Variants in SEZ6L observed in about 807,000 individuals in gnomAD.
SEZ6L encodes seizure related 6 homolog like.
In SEZ6L, 37 loss-of-function variants were observed where a neutral mutation model predicts 106.2. The observed-to-expected ratio is 0.35, with a 90% CI of 0.27 to 0.46. The LOEUF is 0.46. Among genes scored for constraint, SEZ6L ranks in the 20% least tolerant of loss-of-function variants. The pLI is 1.00. For synonymous variants in SEZ6L, 541 were observed against 570.4 expected, an observed-to-expected ratio of 0.95 and a Z score of 0.73; for missense variants, 1,172 against 1,332.8, an observed-to-expected ratio of 0.88 and a Z score of 1.88.
intron 1 of SEZ6L, among the ~76,000 whole-genome samples, chr22:26,197,812 C>T (rs1050897738): frequency 8.5e-5 from 13 of 152,152 alleles, no homozygotes; most frequent in East Asian, 3.9e-4. Flanking sequence ...CTTAGACATG[C>T]GAGTGGCCTT....
chr22:26,252,915 T>G (rs1033367361), intron 1 of SEZ6L, among the ~76,000 whole-genome samples: 1 of 152,262 alleles, frequency 6.6e-6, no homozygotes, highest in African/African-American at 2.4e-5. Context: ...TAGAATGACT[T>G]ATTTTCTTTT....
At chr22:26,318,023 A>G (rs1237226143) in intron 9 of SEZ6L, among the ~76,000 whole-genome samples, 2 of 151,918 alleles carry the variant, frequency 1.3e-5, no homozygotes, top group Non-Finnish European at 2.9e-5. Context: ...TAGGAAGTAC[A>G]TACCCTATCT....
intron 1 of SEZ6L, among the ~76,000 whole-genome samples, chr22:26,234,507 G>A (rs1022000831): frequency 2.0e-5 from 3 of 152,150 alleles, no homozygotes; most frequent in African/African-American, 4.8e-5. Flanking sequence ...TTGGGAGAAC[G>A]AACGTCTTGC....
intron 7 of SEZ6L, among the ~76,000 whole-genome samples, chr22:26,311,489 C>T (rs1601462524): frequency 6.6e-6 from 1 of 152,148 alleles, no homozygotes; most frequent in African/African-American, 2.4e-5. Flanking sequence ...TGGGAAGGAT[C>T]CATATAGGAT....
chr22:26,205,448 A>G (rs1192213277), intron 1 of SEZ6L, among the ~76,000 whole-genome samples: 1 of 152,200 alleles, frequency 6.6e-6, no homozygotes, highest in Non-Finnish European at 1.5e-5. Flanking sequence ...GTTTACCTTA[A>G]TTGCTTATCT....
At chr22:26,276,522 G>A (rs2080548709) in intron 1 of SEZ6L, among the ~76,000 whole-genome samples, 2 of 152,216 alleles carry the variant, frequency 1.3e-5, no homozygotes, top group Admixed American at 1.3e-4. Flanking sequence ...TTGGCAAACT[G>A]GATTCATTTC....
intron 9 of SEZ6L, among the ~76,000 whole-genome samples, chr22:26,327,512 C>T (rs965559849): frequency 7.5e-5 from 11 of 145,866 alleles, no homozygotes; most frequent in South Asian, 2.3e-4. Flanking sequence ...ACACCACACA[C>T]GCCACACACC....
At chr22:26,362,931 T>C (rs1262942734) in intron 12 of SEZ6L, among the ~76,000 whole-genome samples, 2 of 152,240 alleles carry the variant, frequency 1.3e-5, no homozygotes, top group Non-Finnish European at 2.9e-5. Flanking sequence ...TGTATGGTGA[T>C]TACTGTGACT....
chr22:26,205,173 A>T (rs1362315398), intron 1 of SEZ6L, among the ~76,000 whole-genome samples: 2 of 152,244 alleles, frequency 1.3e-5, no homozygotes, highest in East Asian at 3.8e-4. Context: ...CTTGTTCAAG[A>T]ATAGGGATGC....
At chr22:26,273,603 G>A (rs1020595833) in intron 1 of SEZ6L, among the ~76,000 whole-genome samples, 2 of 152,258 alleles carry the variant, frequency 1.3e-5, no homozygotes, top group South Asian at 4.1e-4. Context: ...GGAGCCTGGG[G>A]CTTGGCATTA....
chr22:26,306,121 G>T lies in SEZ6L; in HGVS notation c.1491G>T (p.Arg497Ser). 1 of 1,613,890 alleles carries T rather than the reference G, an allele frequency of 6.2e-7. No homozygotes were observed. The highest frequency in any genetic ancestry group is 8.5e-7 in the Non-Finnish European group (1 of 1,180,028). Residue 497 changes from arginine (R) to serine (S), a missense_variant, in exon 6 of 17, where the codon AGG becomes AGT. Physicochemically the swap from Arg to Ser is moderately radical, Grantham distance 110. Transcript: ENST00000248933. ...AGAAGCTGCACCTGCACTTTGAGAG[G>T]CTGTTGCTGCATGACAAGGACAGGT... is the stretch of plus-strand genomic sequence containing the variant. Reference protein sequence around the residue: ...EGQKLHLHFERLLLHDKDRMT... With the variant: ...EGQKLHLHFESLLLHDKDRMT...
intron 1 of SEZ6L, among the ~76,000 whole-genome samples, chr22:26,241,574 G>A (rs9625000): frequency 0.014 from 2,200 of 152,240 alleles, 60 homozygotes; most frequent in African/African-American, 0.05. Context: ...CAATTACACG[G>A]CGAGTTTTGC....
Position 26,381,561 on chromosome 22 carries a change from CAG to C in SEZ6L, c.*1273_*1274del, listed in dbSNP as rs1392416158. ...CATCTGATCTGAACATCAATGAAGA[CAG>C]AGAGAGGAATTTCATTCAGAAAGGA... On this transcript the variant is annotated 3_prime_UTR_variant, in exon 17 of 17. Coordinates refer to ENST00000248933, the MANE Select transcript of SEZ6L (RefSeq NM_021115.5). 6.4e-6 allele frequency: 1 copy of C among 155,224 alleles called. No homozygotes were observed. Among genetic ancestry groups the C allele is most frequent in the Non-Finnish European group, 1.4e-5 (1 of 69,840 alleles). 9.6% of individuals were successfully genotyped at this position (155,224 alleles called of 1,614,324 possible). A position where few individuals can be genotyped will look rare whatever the true frequency, so the allele number is the denominator to read the frequency against.
rs139313736 is a variant in SEZ6L, at chr22:26,295,050, G to A, written c.969+625G>A. Among the ~76,000 whole-genome samples, 524 of 151,058 alleles carry A rather than the reference G, an allele frequency of 3.5e-3. 8 individuals are homozygous for A. Among genetic ancestry groups the A allele is most frequent in the African/African-American group, 0.012 (504 of 40,474 alleles). On this transcript the variant is annotated intron_variant, in intron 3 of 16. Coordinates refer to ENST00000248933, the MANE Select transcript of SEZ6L (RefSeq NM_021115.5). Reference sequence around the variant, plus strand: ...CATACAGTAAGAAAGGAAAAGCAGGGTGGCATAATGCTCAAACATCTGGGT... The same window carrying A: ...CATACAGTAAGAAAGGAAAAGCAGGATGGCATAATGCTCAAACATCTGGGT...
intron 13 of SEZ6L, among the ~76,000 whole-genome samples, chr22:26,369,491 C>CCACCA (rs1272789171): frequency 1.3e-5 from 2 of 151,572 alleles, no homozygotes; most frequent in African/African-American, 4.9e-5. Context: ...CAGGCGCCCG[C>CCACCA]CACCACACCC....
At chr22:26,194,413 A>T (rs1940446865) in intron 1 of SEZ6L, among the ~76,000 whole-genome samples, 1 of 152,202 alleles carries the variant, frequency 6.6e-6, no homozygotes, top group Non-Finnish European at 1.5e-5. Context: ...AGTTAAGAAG[A>T]TGTAGATTAA....
At chr22:26,282,152 A>C (rs957024324) in intron 1 of SEZ6L, among the ~76,000 whole-genome samples, 6 of 152,214 alleles carry the variant, frequency 3.9e-5, no homozygotes, top group Middle Eastern at 3.2e-3. Flanking sequence ...TGTACAAATA[A>C]TTCTGAAAGC....
Position 26,347,718 on chromosome 22 carries a change from G to A in SEZ6L, c.2213-1G>A. 1 of 1,596,242 alleles carries A rather than the reference G, an allele frequency of 6.3e-7. No individual in the cohort carries two copies. Among genetic ancestry groups the A allele is most frequent in the Non-Finnish European group, 8.5e-7 (1 of 1,174,158 alleles). ...CTAAGACTGACGTTTCTCTTTTAAAGAGGTATCAAGGAATGACTCCTGCTC... is the reference window on the plus strand; with the variant it reads ...CTAAGACTGACGTTTCTCTTTTAAAAAGGTATCAAGGAATGACTCCTGCTC... On this transcript the variant is annotated splice_acceptor_variant, in intron 10 of 16. Coordinates refer to ENST00000248933, the MANE Select transcript of SEZ6L (RefSeq NM_021115.5). LOFTEE classifies it high-confidence loss of function.
intron 10 of SEZ6L, among the ~76,000 whole-genome samples, chr22:26,346,919 C>A (rs1476224144): frequency 2.6e-5 from 4 of 152,094 alleles, no homozygotes; most frequent in Non-Finnish European, 4.4e-5. Flanking sequence ...TTCTGCTGGG[C>A]ACAGTGGCTC....
Sources: gnomAD v4.1 joint callset for allele counts (sites outside exome capture counted in the v4.1 genomes callset) on GRCh38, gnomAD v4.1.1 for gene constraint, MANE v1.5 for transcripts, NCBI Gene and HGNC (gene_info 2026-07-23, HGNC 2026-07-21) for gene names.